Variants in TMF1 observed in about 807,000 individuals in gnomAD.
The protein encoded by TMF1 is TATA element modulatory factor.
Under a neutral mutation model 126.5 loss-of-function variants are expected in TMF1, and 71 were observed. The observed-to-expected ratio is 0.56, with a 90% CI of 0.46 to 0.68. The LOEUF (loss-of-function observed/expected upper bound fraction) is 0.68. Ranked by LOEUF, TMF1 falls within the 30% of genes least tolerant of loss-of-function variation. The pLI, the probability that TMF1 is intolerant of heterozygous loss-of-function variation, is 0.00. For missense variants in TMF1, 1,259 were observed against 1,253.2 expected (o/e 1.00, Z -0.07); for synonymous variants, 461 against 430.5 (o/e 1.07, Z -0.88).
In TMF1 at chr3:69,033,647, T is replaced by C. The variant is rs2091817071; in HGVS notation, c.2302A>G (p.Thr768Ala). Residue 768 changes from threonine to alanine, a missense_variant, in exon 10 of 17, where the codon ACA (threonine) becomes GCA (alanine). Physicochemically the swap from Thr to Ala is moderately conservative, Grantham distance 58. Coordinates refer to ENST00000398559, the MANE Select transcript of TMF1 (RefSeq NM_007114.3). ...QELSQSVSSTTRPLLRQIENL... is the reference protein window; with the variant it reads ...QELSQSVSSTARPLLRQIENL... ...TCTATTTGTCGAAGCAATGGTCTTG[T>C]TGTTGATGAAACACTTTGACTCAGT... 6.2e-7 allele frequency: 1 copy of C among 1,614,050 alleles called. No homozygotes were observed.
chr3:69,037,185 A>G (rs2091836524), intron 8 of TMF1, among the ~76,000 whole-genome samples: 1 of 152,250 alleles, frequency 6.6e-6, no homozygotes, highest in African/African-American at 2.4e-5. Context: ...GACATCCAAC[A>G]TCATTAGTCA....
chr3:69,025,400 T>C (rs2107453729), intron 15 of TMF1, 160 bp downstream of exon 15: 1 of 610,460 alleles, frequency 1.6e-6, no homozygotes, highest in Non-Finnish European at 2.7e-6. Context: ...TTTCTCTTTT[T>C]AGCCTTTATC....
intron 2 of TMF1, among the ~76,000 whole-genome samples, chr3:69,046,421 T>G (rs1161590948): frequency 6.6e-6 from 1 of 152,236 alleles, no homozygotes; most frequent in Non-Finnish European, 1.5e-5. Flanking sequence ...AAACTCCTAT[T>G]ATATATCTTA....
At chr3:69,041,804 T>C (rs1038145143) in intron 5 of TMF1, among the ~76,000 whole-genome samples, 1 of 152,120 alleles carries the variant, frequency 6.6e-6, no homozygotes, top group Non-Finnish European at 1.5e-5. Flanking sequence ...ACTTTTCCTC[T>C]TTATTCATAT....
intron 4 of TMF1, 105 bp from the exon 5 acceptor site, chr3:69,043,017 A>G (rs2091876582): frequency 1.2e-5 from 9 of 782,060 alleles, no homozygotes; most frequent in South Asian, 3.7e-5. Context: ...CACATTTGCA[A>G]TAAGAATCTG....
chr3:69,020,395 T>C lies in TMF1; in HGVS notation c.*2782A>G, dbSNP rs2091723065. ...TAGACTCAGTTTAGCCTCCCAAGAA[T>C]TGGAAGGACATCTACAGTCTGTGCT... On this transcript the variant is annotated 3_prime_UTR_variant, in exon 17 of 17. Transcript: ENST00000398559. 1 of 152,134 alleles carries C rather than the reference T, an allele frequency of 6.6e-6. No homozygotes were observed. The highest frequency in any genetic ancestry group is 2.4e-5 in the African/African-American group (1 of 41,442). The allele number at this position is 152,134 out of a possible 1,614,324, so 9.4% of individuals were successfully genotyped here. A position where few individuals can be genotyped will look rare whatever the true frequency, so the allele number is the denominator to read the frequency against.
At chr3:69,049,199 C>T (rs2091912602) in intron 1 of TMF1, among the ~76,000 whole-genome samples, 1 of 152,130 alleles carries the variant, frequency 6.6e-6, no homozygotes, top group South Asian at 2.1e-4. Flanking sequence ...AGTGAGACCC[C>T]TGTCCCTACA....
rs1472801897 is a variant in TMF1 at position 69,027,711 on chromosome 3, T to A, written c.2757+189A>T. Among the ~76,000 whole-genome samples, 3 of 150,906 alleles carry A rather than the reference T, an allele frequency of 2.0e-5. 1 individual carries two copies. Among genetic ancestry groups the A allele is most frequent in the African/African-American group, 7.3e-5 (3 of 41,082 alleles). On this transcript the variant is annotated intron_variant, in intron 13 of 16. Coordinates refer to ENST00000398559, the MANE Select transcript of TMF1 (RefSeq NM_007114.3). ...AAAAAAAAAAATCATGAAAAAAATC[T>A]CATGATGATTTAAGAAAGTTTGCAA...
Position 69,021,287 on chromosome 3 carries a change from G to A in TMF1, c.*1890C>T, listed in dbSNP as rs1036698853. On this transcript the variant is annotated 3_prime_UTR_variant, in exon 17 of 17. Coordinates refer to ENST00000398559, the MANE Select transcript of TMF1 (RefSeq NM_007114.3). ...GGTGTCTATACTATCCATGGTTTCA[G>A]ACGTTCACTGGGGGTCTTGGAACGT... 4 of 152,554 alleles carry A rather than the reference G, an allele frequency of 2.6e-5. No individual in the cohort carries two copies. Among genetic ancestry groups the A allele is most frequent in the African/African-American group, 9.7e-5 (4 of 41,416 alleles). 9.5% of individuals were successfully genotyped at this position (152,554 alleles called of 1,614,324 possible). A position where few individuals can be genotyped will look rare whatever the true frequency, so the allele number is the denominator to read the frequency against.
chr3:69,025,841 CGT>C, intron 14 of TMF1, 129 bp from the exon 15 acceptor site: 1 of 1,190,570 alleles, frequency 8.4e-7, no homozygotes, highest in Admixed American at 2.5e-5. Flanking sequence ...AAATCATTCA[CGT>C]GTTTCCTCTC....
chr3:69,045,189 G>A (rs1249267653), intron 2 of TMF1, among the ~76,000 whole-genome samples: 1 of 152,228 alleles, frequency 6.6e-6, no homozygotes, highest in Non-Finnish European at 1.5e-5. Context: ...CAGGCGCAGT[G>A]GCTCATGCCT....
At chr3:69,040,451 T>G (rs2091857295) in intron 5 of TMF1, 1 of 152,250 alleles carries the variant, frequency 6.6e-6, no homozygotes, top group African/African-American at 2.4e-5. Context: ...AGGAGCAGAA[T>G]GTTACGGTAT....
At chr3:69,037,884 T>C (rs1230341737) in intron 8 of TMF1, among the ~76,000 whole-genome samples, 1 of 152,094 alleles carries the variant, frequency 6.6e-6, no homozygotes, top group East Asian at 1.9e-4. Flanking sequence ...AAAAAGGCTA[T>C]ACTTTTAAAA....
At chr3:69,028,766 T>A (rs1429167277) in intron 11 of TMF1, among the ~76,000 whole-genome samples, 1 of 152,190 alleles carries the variant, frequency 6.6e-6, no homozygotes, top group East Asian at 1.9e-4. Context: ...CTCAGATAGA[T>A]GGATTTTACA....
Position 69,024,055 on chromosome 3 carries a change from T to G in TMF1, c.3138A>C (p.Arg1046Ser). Reference sequence around the variant, plus strand: ...TCATCCTTAGGTGAAGAATACTTACTCTTAGCTGAGTTCTAAGTTTGGGTA... The same window carrying G: ...TCATCCTTAGGTGAAGAATACTTACGCTTAGCTGAGTTCTAAGTTTGGGTA... ...KEIPKLRTQL[R>S]DLDQRYNTIL... The change falls in exon 16 of 17, where the codon AGA becomes AGC. Residue 1046 changes from arginine to serine, a missense_variant and splice_region_variant. Transcript: ENST00000398559. 1 of 1,604,016 alleles carries G rather than the reference T, an allele frequency of 6.2e-7. No homozygotes were observed. Among genetic ancestry groups the G allele is most frequent in the South Asian group, 1.1e-5 (1 of 88,724 alleles).
chr3:69,026,560 C>T (rs1168372910), intron 13 of TMF1, among the ~76,000 whole-genome samples: 6 of 152,086 alleles, frequency 3.9e-5, no homozygotes, highest in African/African-American at 1.2e-4. Context: ...GTGGAGGTGG[C>T]GGTGAGCTGA....
rs2107455960 is a variant in TMF1 at position 69,028,011 on chromosome 3, G to A, written c.2665-19C>T. 7.0e-7 allele frequency: 1 copy of A among 1,426,982 alleles called. No individual in the cohort carries two copies. 88.4% of individuals were successfully genotyped at this position (1,426,982 alleles called of 1,614,324 possible). A position where few individuals can be genotyped will look rare whatever the true frequency, so the allele number is the denominator to read the frequency against. On this transcript the variant is annotated intron_variant, in intron 12 of 16. Transcript: ENST00000398559. ...ACAATGTCTAATAGAGAGAAATAAA[G>A]TTAGACAATTTCTGTGATAGTAATT... is the stretch of plus-strand genomic sequence containing the variant.
chr3:69,039,445 C>G, intron 6 of TMF1, 106 bp downstream of exon 6: 1 of 1,243,674 alleles, frequency 8.0e-7, no homozygotes, highest in Non-Finnish European at 1.1e-6. Context: ...ATCCTTCTTA[C>G]ATGATATACC....
At chr3:69,044,833 C>T (rs897149953) in intron 2 of TMF1, among the ~76,000 whole-genome samples, 1 of 152,130 alleles carries the variant, frequency 6.6e-6, no homozygotes, top group African/African-American at 2.4e-5. Context: ...CTTGAGAAAA[C>T]AATTAGGCAA....
Sources: gnomAD v4.1 joint callset for allele counts (sites outside exome capture counted in the v4.1 genomes callset) on GRCh38, gnomAD v4.1.1 for gene constraint, MANE v1.5 for transcripts, NCBI Gene and HGNC (gene_info 2026-07-23, HGNC 2026-07-21) for gene names.